HCLS1: variants seen among roughly 807,000 people sequenced by gnomAD.
HCLS1 encodes the protein hematopoietic cell-specific Lyn substrate 1.
HCLS1 carries 44 observed loss-of-function variants against 68.6 expected under a neutral mutation model. The observed-to-expected ratio is 0.64, with a 90% CI of 0.50 to 0.82. HCLS1 has a LOEUF of 0.82. HCLS1 is among the 40% of genes least tolerant of loss of function. The pLI, the probability that HCLS1 is intolerant of heterozygous loss-of-function variation, is 0.00. For synonymous variants in HCLS1, 217 were observed against 225.8 expected, an observed-to-expected ratio of 0.96 and a Z score of 0.35; for missense variants, 602 against 612.1, an observed-to-expected ratio of 0.98 and a Z score of 0.17.
In HCLS1 at chr3:121,644,832, C is replaced by G. The variant is rs1375081896; in HGVS notation, c.385G>C (p.Asp129His). 3.1e-6 allele frequency: 5 copies of G among 1,612,982 alleles called. No homozygotes were observed. Among genetic ancestry groups the G allele is most frequent in the Non-Finnish European group, 4.2e-6 (5 of 1,178,966 alleles). ...GFGGKYGVER[D>H]RADKSAVGFD... The stretch of plus-strand genomic sequence containing the variant: ...TGGTCACTTACCTTGTCTGCCCTGT[C>G]CCTCTCAACTCCGTACTTGCCCCCA... Residue 129 changes from aspartate (D) to histidine (H), a missense_variant, in exon 5 of 14, where the codon GAC (aspartate) becomes CAC (histidine). Asp to His is a moderately conservative substitution (Grantham distance 81). Transcript: ENST00000314583.
At chr3:121,634,084 A>C in intron 10 of HCLS1, 123 bp downstream of exon 10, 1 of 1,499,668 alleles carries the variant, frequency 6.7e-7, no homozygotes. Context: ...AAAGACAGAG[A>C]CAACAGACCT....
Position 121,632,116 on chromosome 3 carries a change from A to G in HCLS1, c.1309T>C (p.Tyr437His). 1 of 1,614,050 alleles carries G rather than the reference A, an allele frequency of 6.2e-7. No individual in the cohort carries two copies. The highest frequency in any genetic ancestry group is 8.5e-7 in the Non-Finnish European group (1 of 1,180,008). Residue 437 changes from tyrosine to histidine, a missense_variant, in exon 13 of 14, where the codon TAT (tyrosine) becomes CAT (histidine). Transcript: ENST00000314583. ...CCCAACCTACCTCCTTGGTAATCAT[A>G]TACAGCCACAGCTGAGATCCCCAGA... ...VALGISAVAV[Y>H]DYQGEGSDEL...
intron 3 of HCLS1, chr3:121,655,512 T>C (rs1219693018): frequency 7.1e-6 from 1 of 139,980 alleles, no homozygotes; most frequent in African/African-American, 2.7e-5. Flanking sequence ...ATATTGCAAG[T>C]CGTCATGGCG....
chr3:121,635,905 C>A, intron 8 of HCLS1, 101 bp from the exon 9 acceptor site: 1 of 859,488 alleles, frequency 1.2e-6, no homozygotes, highest in South Asian at 1.4e-5. Context: ...AGAGGTATCC[C>A]TAACCATTGG....
At position 121,632,092 on chromosome 3, in the gene HCLS1, C is replaced by T. The variant is rs1218076491; in HGVS notation, c.1324+9G>A. 1.9e-6 allele frequency: 3 copies of T among 1,614,042 alleles called. No homozygotes were observed. The South Asian group carries it at 3.3e-5, about 18-fold the overall frequency. The stretch of plus-strand genomic sequence containing the variant: ...ATGTACCAGGCTCCTCGGGCCACTC[C>T]CAACCTACCTCCTTGGTAATCATAT... On this transcript the variant is annotated intron_variant, in intron 13 of 13. Transcript: ENST00000314583.
intron 3 of HCLS1, chr3:121,655,672 G>T (rs1395102850): frequency 3.0e-5 from 4 of 133,628 alleles, no homozygotes; most frequent in African/African-American, 1.1e-4. Context: ...AAGGAAAAGG[G>T]TCTTGTGGTT....
intron 6 of HCLS1, among the ~76,000 whole-genome samples, chr3:121,639,303 G>T (rs1342829678): frequency 6.6e-6 from 1 of 152,098 alleles, no homozygotes; most frequent in East Asian, 1.9e-4. Context: ...CCATGTGCCA[G>T]TCCATAAGTC....
chr3:121,639,560 G>GTTGTTGTTT (rs2049179376), intron 6 of HCLS1, among the ~76,000 whole-genome samples: 3 of 151,862 alleles, frequency 2.0e-5, no homozygotes, highest in African/African-American at 7.3e-5. Flanking sequence ...TGTTGTTGTT[G>GTTGTTGTTT]TTTTTTGAGA....
intron 6 of HCLS1, among the ~76,000 whole-genome samples, chr3:121,641,948 C>CGGGTG (rs2049203937): frequency 6.6e-6 from 1 of 150,376 alleles, no homozygotes; most frequent in South Asian, 2.1e-4. Flanking sequence ...GGCGTAGTGG[C>CGGGTG]GGGTGCCTGT....
intron 5 of HCLS1, chr3:121,644,585 A>C: frequency 1.5e-6 from 1 of 645,782 alleles, no homozygotes; most frequent in Non-Finnish European, 2.9e-6. Flanking sequence ...ATTCAAACAC[A>C]CAGTTTGAGA....
rs764766490 is a variant in HCLS1, at chr3:121,635,788, T to C, written c.638A>G (p.Asn213Ser). 41 of 1,614,014 alleles carry C rather than the reference T, an allele frequency of 2.5e-5. No homozygotes were observed. The highest frequency in any genetic ancestry group is 3.2e-5 in the Non-Finnish European group (38 of 1,180,010). The change falls in exon 9 of 14, where the codon AAT (asparagine) becomes AGT (serine). Residue 213 changes from asparagine to serine, a missense_variant. By Grantham distance (46) the Asn-to-Ser change is conservative. Transcript: ENST00000314583. ...DRVDKSAVGF[N>S]EMEAPTTAYK... ...AGCTGTGGTCGGGGCCTCCATTTCATTGAAGCCGACAGCGCTCTGCAGGCA... is the reference window on the plus strand; with the variant it reads ...AGCTGTGGTCGGGGCCTCCATTTCACTGAAGCCGACAGCGCTCTGCAGGCA...
At chr3:121,640,802 G>GAGGGC (rs2049190280) in intron 6 of HCLS1, among the ~76,000 whole-genome samples, 1 of 107,924 alleles carries the variant, frequency 9.3e-6, no homozygotes, top group Non-Finnish European at 1.9e-5. Context: ...GAGGGGAGGG[G>GAGGGC]AGGGGAGGGG....
Position 121,642,936 on chromosome 3 carries a change from AT to A in HCLS1, c.444del (p.Ser149LeufsTer80), listed in dbSNP as rs752840934. 1 of 1,612,928 alleles carries A rather than the reference AT, an allele frequency of 6.2e-7. No homozygotes were observed. The highest frequency in any genetic ancestry group is 8.5e-7 in the Non-Finnish European group (1 of 1,178,928). On this transcript the variant is annotated frameshift_variant, in exon 6 of 14. Transcript: ENST00000314583. LOFTEE classifies it high-confidence loss of function. ...AGTACAGTGTCCTTGCCTTTCTGAG[AT>A]GTGTGCTTCTCCACTTCTCCTTTAT... is the stretch of plus-strand genomic sequence containing the variant. ...FDYKGEVEKH[T>X]SQKDYSRGFG... is the part of the protein sequence containing the mutation.
intron 6 of HCLS1, among the ~76,000 whole-genome samples, chr3:121,639,272 A>T (rs1415944185): frequency 2.0e-5 from 3 of 152,158 alleles, no homozygotes; most frequent in Non-Finnish European, 4.4e-5. Context: ...TTTCATGCAT[A>T]TAGAACATTG....
At chr3:121,648,899 T>C (rs925413428) in intron 3 of HCLS1, among the ~76,000 whole-genome samples, 7 of 152,138 alleles carry the variant, frequency 4.6e-5, no homozygotes, top group African/African-American at 1.4e-4. Flanking sequence ...TGTCATAAGC[T>C]ACTAGTACCA....
chr3:121,640,439 T>C (rs531828983), intron 6 of HCLS1, among the ~76,000 whole-genome samples: 29 of 151,782 alleles, frequency 1.9e-4, no homozygotes, highest in African/African-American at 7.0e-4. Flanking sequence ...TAAATAACCA[T>C]GAGGAACGCA....
Position 121,632,082 on chromosome 3 carries a change from C to A in HCLS1, c.1324+19G>T. 3 of 1,613,594 alleles carry A rather than the reference C, an allele frequency of 1.9e-6. No homozygotes were observed. The highest frequency in any genetic ancestry group is 2.5e-6 in the Non-Finnish European group (3 of 1,179,584). On this transcript the variant is annotated intron_variant, in intron 13 of 13. Coordinates refer to ENST00000314583, the MANE Select transcript of HCLS1 (RefSeq NM_005335.6). Reference sequence around the variant, plus strand: ...AGGGGCCTCCATGTACCAGGCTCCTCGGGCCACTCCCAACCTACCTCCTTG... The same window carrying A: ...AGGGGCCTCCATGTACCAGGCTCCTAGGGCCACTCCCAACCTACCTCCTTG...
At chr3:121,652,549 G>T (rs749943719) in intron 3 of HCLS1, among the ~76,000 whole-genome samples, 10 of 152,162 alleles carry the variant, frequency 6.6e-5, no homozygotes, top group Non-Finnish European at 1.2e-4. Flanking sequence ...AGCTACTCGG[G>T]AAGCTGAGGT....
intron 6 of HCLS1, 95 bp downstream of exon 6, chr3:121,642,832 G>GA: frequency 1.0e-6 from 1 of 983,170 alleles, no homozygotes. Context: ...GGTCATGGAA[G>GA]TTAAAAAGCT....
Sources: allele counts gnomAD v4.1 joint callset (sites outside exome capture counted in the v4.1 genomes callset), GRCh38; gene constraint gnomAD v4.1.1; transcripts MANE v1.5; gene names NCBI Gene and HGNC (gene_info 2026-07-23, HGNC 2026-07-21).